SGCD: variants seen among roughly 807,000 people sequenced by gnomAD.
The protein encoded by SGCD is sarcoglycan delta, also known as delta-sarcoglycan.
SGCD carries 18 observed loss-of-function variants against 36.6 expected under a neutral mutation model. That is an observed-to-expected ratio of 0.49 (90% CI 0.34 to 0.73). The LOEUF (loss-of-function observed/expected upper bound fraction) is 0.73, where lower values mean the gene tolerates loss of function less well. Among genes scored for constraint, SGCD ranks in the 30% least tolerant of loss-of-function variants. The pLI is 0.01. For synonymous variants in SGCD, 133 were observed against 130.6 expected, an observed-to-expected ratio of 1.02 and a Z score of -0.12; for missense variants, 387 against 346.7, an observed-to-expected ratio of 1.12 and a Z score of -0.92.
chr5:156,384,171 C>A (rs1052123175), intron 3 of SGCD, among the ~76,000 whole-genome samples: 1 of 152,214 alleles, frequency 6.6e-6, no homozygotes, highest in African/African-American at 2.4e-5. Flanking sequence ...GGACTGGATA[C>A]TTCGCATTGC....
intron 2 of SGCD, among the ~76,000 whole-genome samples, chr5:156,120,698 G>C (rs1187147588): frequency 6.6e-6 from 1 of 152,104 alleles, no homozygotes; most frequent in Non-Finnish European, 1.5e-5. Flanking sequence ...AAAGGTAGGT[G>C]ACATATTTTT....
At chr5:155,940,427 G>T (rs1757298367) in intron 1 of SGCD, among the ~76,000 whole-genome samples, 1 of 152,144 alleles carries the variant, frequency 6.6e-6, no homozygotes. Flanking sequence ...GCCTGGGCAA[G>T]TTATTTGACC....
intron 3 of SGCD, among the ~76,000 whole-genome samples, chr5:156,498,687 G>A (rs940022508): frequency 6.6e-6 from 1 of 152,174 alleles, no homozygotes; most frequent in African/African-American, 2.4e-5. Flanking sequence ...GCATTTAGGT[G>A]GTTTCCACAT....
the SGCD span, among the ~76,000 whole-genome samples, chr5:155,781,280 C>G: frequency 2.3e-3 from 354 of 152,156 alleles, 1 homozygote; most frequent in Non-Finnish European, 3.5e-3. Context: ...ATGGGTCTCC[C>G]GACTTCAGGT....
rs537131314 is a variant in SGCD at position 156,034,014 on chromosome 5, C to T, written c.-281-83864C>T. ...CTAACCAAAATGAACTGCTGTAATA[C>T]CCTCCAGGGATATTTTTCATCCACT... On this transcript the variant is annotated intron_variant, in intron 1 of 9. Coordinates refer to the SGCD transcript ENST00000517913. Among the ~76,000 whole-genome samples the T allele has an allele frequency of 7.2e-5, 11 of 152,264 alleles. No homozygotes were observed. The South Asian group carries it at 1.7e-3, about 23-fold the overall frequency.
chr5:155,816,060 G>T, the SGCD span, among the ~76,000 whole-genome samples: 1 of 152,308 alleles, frequency 6.6e-6, no homozygotes, highest in East Asian at 1.9e-4. Flanking sequence ...GAAAATAGTG[G>T]TGGTGGGGAG....
chr5:156,575,245 C>A (rs1015812980), intron 4 of SGCD, among the ~76,000 whole-genome samples: 1 of 152,210 alleles, frequency 6.6e-6, no homozygotes, highest in Non-Finnish European at 1.5e-5. Context: ...TGATTGACTT[C>A]ATGGGGAAGA....
chr5:156,626,303 G>A (rs375182723), intron 6 of SGCD, among the ~76,000 whole-genome samples: 1 of 152,190 alleles, frequency 6.6e-6, no homozygotes, highest in East Asian at 1.9e-4. Flanking sequence ...CTTTGAGGTT[G>A]CAGATTACAT....
intron 4 of SGCD, among the ~76,000 whole-genome samples, chr5:156,558,363 C>T (rs945413716): frequency 3.3e-5 from 5 of 151,916 alleles, no homozygotes; most frequent in Admixed American, 1.3e-4. Context: ...ACCAGGCACA[C>T]ACTAGGTATC....
chr5:156,718,115 T>C lies in SGCD; in HGVS notation c.576-39466T>C, dbSNP rs557771871. 3.9e-5 allele frequency among the ~76,000 whole-genome samples: 6 copies of C among 152,270 alleles called. No individual in the cohort carries two copies. The South Asian group carries it at 1.2e-3, about 32-fold the overall frequency. On this transcript the variant is annotated intron_variant, in intron 7 of 8. Coordinates refer to ENST00000337851, the MANE Select transcript of SGCD (RefSeq NM_000337.6). ...ATTTCTCTTCCAAAGATGCTTACTGTTCACAAGCTGCATTGTAATACAAAC... is the reference window on the plus strand; with the variant it reads ...ATTTCTCTTCCAAAGATGCTTACTGCTCACAAGCTGCATTGTAATACAAAC...
chr5:156,675,350 A>C (rs959949162), intron 7 of SGCD, among the ~76,000 whole-genome samples: 8 of 152,180 alleles, frequency 5.3e-5, no homozygotes, highest in African/African-American at 1.9e-4. Flanking sequence ...CTTATTCTTG[A>C]GAAAGGCCAA....
At position 156,151,906 on chromosome 5, in the gene SGCD, TC is replaced by T. The variant is rs962986479; in HGVS notation, c.-44+27888del. On this transcript the variant is annotated intron_variant, in intron 3 of 9. Coordinates refer to the SGCD transcript ENST00000517913. ...GGCCCTCTAGTCTTTCCAGATTGGT[TC>T]TGTTTGGATTTTGTGATTCATAAAC... Among the ~76,000 whole-genome samples the T allele has an allele frequency of 2.0e-5, 3 of 151,370 alleles. 1 individual carries two copies. The highest frequency in any genetic ancestry group is 7.4e-5 in the African/African-American group (3 of 40,752).
At chr5:156,218,442 G>A (rs1169121164) in intron 3 of SGCD, among the ~76,000 whole-genome samples, 1 of 151,990 alleles carries the variant, frequency 6.6e-6, no homozygotes. Flanking sequence ...TCATAAGATG[G>A]CAAAAAATTA....
At chr5:155,729,683 G>A in the SGCD span, among the ~76,000 whole-genome samples, 3 of 152,134 alleles carry the variant, frequency 2.0e-5, no homozygotes, top group East Asian at 3.9e-4. Context: ...CCCGAGCCCC[G>A]GGCTGCCTCT....
At chr5:155,784,593 C>A in the SGCD span, among the ~76,000 whole-genome samples, 2 of 149,532 alleles carry the variant, frequency 1.3e-5, no homozygotes, top group African/African-American at 4.9e-5. Flanking sequence ...GGTAGTGTTT[C>A]CATGGGGCTG....
intron 1 of SGCD, among the ~76,000 whole-genome samples, chr5:156,116,336 G>A (rs965218625): frequency 1.3e-5 from 2 of 151,640 alleles, no homozygotes; most frequent in African/African-American, 4.8e-5. Context: ...TCCTTAATTT[G>A]CATTTCTCTT....
chr5:156,383,929 T>G (rs544229151), intron 3 of SGCD, among the ~76,000 whole-genome samples: 4 of 152,316 alleles, frequency 2.6e-5, no homozygotes, highest in East Asian at 1.9e-4. Context: ...GGCAAGAGAC[T>G]CTGTGATAAA....
At chr5:155,947,356 T>C (rs1393233602) in intron 1 of SGCD, among the ~76,000 whole-genome samples, 1 of 151,602 alleles carries the variant, frequency 6.6e-6, no homozygotes, top group Non-Finnish European at 1.5e-5. Context: ...TGGTTTTTTT[T>C]TTATTATTAA....
intron 3 of SGCD, among the ~76,000 whole-genome samples, chr5:156,409,069 A>G (rs1265890242): frequency 6.6e-6 from 1 of 152,232 alleles, no homozygotes; most frequent in African/African-American, 2.4e-5. Flanking sequence ...ACGCTTCTTC[A>G]TTCTTCAAAA....
Sources: gnomAD v4.1 joint callset for allele counts (sites outside exome capture counted in the v4.1 genomes callset) on GRCh38, gnomAD v4.1.1 for gene constraint, MANE v1.5 for transcripts, NCBI Gene and HGNC (gene_info 2026-07-23, HGNC 2026-07-21) for gene names.